Variants in ME1 observed in about 807,000 individuals in gnomAD.
ME1 encodes NADP-dependent malic enzyme.
In ME1, 74 loss-of-function variants were observed where a neutral mutation model predicts 66.4. That is an observed-to-expected ratio of 1.11 (90% CI 0.92 to 1.35). The LOEUF (loss-of-function observed/expected upper bound fraction) is 1.35. ME1 is among the 40% of genes most tolerant of loss of function. ME1 has a pLI of 0.00. For missense variants in ME1, 750 were observed against 694.1 expected, an observed-to-expected ratio of 1.08 and a Z score of -0.90; for synonymous variants, 251 against 235.6, an observed-to-expected ratio of 1.07 and a Z score of -0.60.
intron 3 of ME1, among the ~76,000 whole-genome samples, chr6:83,376,805 A>AC (rs922388500): frequency 2.2e-5 from 2 of 92,456 alleles, no homozygotes; most frequent in African/African-American, 1.6e-4. Context: ...CCTGTCTCAC[A>AC]AAAAAAAAAA....
chr6:83,251,869 A>C (rs1380675950), intron 7 of ME1, among the ~76,000 whole-genome samples: 1 of 152,180 alleles, frequency 6.6e-6, no homozygotes, highest in South Asian at 2.1e-4. Flanking sequence ...AAGAACTAAT[A>C]AGATCAGATT....
At chr6:83,225,540 T>A (rs1790179618) in intron 11 of ME1, among the ~76,000 whole-genome samples, 1 of 152,086 alleles carries the variant, frequency 6.6e-6, no homozygotes, top group South Asian at 2.1e-4. Flanking sequence ...CTTTTAGTTG[T>A]TCTTAAAGTT....
chr6:83,416,090 C>A (rs1402967508), intron 1 of ME1, among the ~76,000 whole-genome samples: 2 of 152,000 alleles, frequency 1.3e-5, no homozygotes, highest in African/African-American at 4.8e-5. Context: ...TGATTTTGAG[C>A]AAATATTTAA....
intron 9 of ME1, among the ~76,000 whole-genome samples, chr6:83,235,267 T>C (rs530516417): frequency 4.6e-5 from 7 of 152,234 alleles, no homozygotes; most frequent in Admixed American, 1.3e-4. Flanking sequence ...TGGTTCTAGT[T>C]CTGTAACTAG....
chr6:83,428,143 T>C (rs991278173), intron 1 of ME1, among the ~76,000 whole-genome samples: 2 of 152,280 alleles, frequency 1.3e-5, no homozygotes, highest in African/African-American at 2.4e-5. Flanking sequence ...AGAAAGATCA[T>C]TATTAAATCA....
chr6:83,234,950 G>T (rs982146838), intron 9 of ME1, among the ~76,000 whole-genome samples: 2 of 152,052 alleles, frequency 1.3e-5, no homozygotes, highest in Non-Finnish European at 2.9e-5. Context: ...TTGTTGTCAG[G>T]CATGTACTAC....
intron 3 of ME1, among the ~76,000 whole-genome samples, chr6:83,359,312 G>A (rs746872535): frequency 2.0e-5 from 3 of 152,198 alleles, no homozygotes; most frequent in Non-Finnish European, 4.4e-5. Context: ...CAGGCCCCTA[G>A]AAGTGAGGTT....
chr6:83,285,866 A>T (rs1240806503), intron 6 of ME1, among the ~76,000 whole-genome samples: 2 of 152,220 alleles, frequency 1.3e-5, no homozygotes, highest in African/African-American at 2.4e-5. Flanking sequence ...AAAGAGGCGA[A>T]TGCATAATTT....
intron 3 of ME1, among the ~76,000 whole-genome samples, chr6:83,369,653 G>GAGGAAGGAAGGAAGGA (rs1340518163): frequency 4.9e-5 from 7 of 141,502 alleles, no homozygotes; most frequent in African/African-American, 2.0e-4. Context: ...GAGACAGAGA[G>GAGGAAGGAAGGAAGGA]AGGAAGGAAG....
intron 6 of ME1, among the ~76,000 whole-genome samples, chr6:83,276,021 C>G (rs968188552): frequency 2.0e-5 from 3 of 151,976 alleles, no homozygotes; most frequent in Admixed American, 2.0e-4. Flanking sequence ...CTGCCCGTCT[C>G]GGTCTCCGGA....
intron 3 of ME1, among the ~76,000 whole-genome samples, chr6:83,386,853 G>A (rs1286052806): frequency 6.7e-6 from 1 of 150,370 alleles, no homozygotes; most frequent in Non-Finnish European, 1.5e-5. Flanking sequence ...GGAAATAACA[G>A]GAAGCTGGCA....
At chr6:83,361,892 T>A (rs1769012230) in intron 3 of ME1, among the ~76,000 whole-genome samples, 1 of 152,132 alleles carries the variant, frequency 6.6e-6, no homozygotes, top group African/African-American at 2.4e-5. Context: ...GTAAGTTACA[T>A]GAGGAAGTGG....
chr6:83,403,868 T>C (rs1299375307), intron 2 of ME1, among the ~76,000 whole-genome samples: 2 of 152,334 alleles, frequency 1.3e-5, no homozygotes, highest in African/African-American at 2.4e-5. Flanking sequence ...CTATGGTGTA[T>C]ATGTGCCACA....
chr6:83,428,205 G>T (rs924376663), intron 1 of ME1, among the ~76,000 whole-genome samples: 1 of 152,094 alleles, frequency 6.6e-6, no homozygotes, highest in African/African-American at 2.4e-5. Flanking sequence ...AGAATTAAGA[G>T]ATTCAGCAAA....
intron 9 of ME1, 100 bp from the exon 10 acceptor site, chr6:83,229,031 A>G (rs1172371273): frequency 1.5e-5 from 11 of 739,974 alleles, no homozygotes; most frequent in Non-Finnish European, 2.6e-5. Context: ...TAACATTTTT[A>G]TGTATGATGT....
At chr6:83,242,298 G>A (rs1412236863) in intron 7 of ME1, among the ~76,000 whole-genome samples, 1 of 152,074 alleles carries the variant, frequency 6.6e-6, no homozygotes, top group Non-Finnish European at 1.5e-5. Context: ...TTAAATAAAA[G>A]TCTCACCTTT....
At chr6:83,292,800 G>A (rs996428114) in intron 6 of ME1, among the ~76,000 whole-genome samples, 4 of 152,274 alleles carry the variant, frequency 2.6e-5, no homozygotes, top group South Asian at 2.1e-4. Context: ...CTTCCCTGCC[G>A]CTTTGCTTAC....
At chr6:83,297,010 C>T (rs1265386702) in intron 6 of ME1, among the ~76,000 whole-genome samples, 3 of 152,092 alleles carry the variant, frequency 2.0e-5, no homozygotes, top group Non-Finnish European at 4.4e-5. Flanking sequence ...ATCATCACAA[C>T]GTATTTAACT....
At chr6:83,333,960 G>C (rs1459260999) in intron 5 of ME1, among the ~76,000 whole-genome samples, 1 of 151,840 alleles carries the variant, frequency 6.6e-6, no homozygotes, top group Admixed American at 6.6e-5. Context: ...AGGGGGGGAG[G>C]AGCCAAGATG....
Sources: allele counts gnomAD v4.1 joint callset (sites outside exome capture counted in the v4.1 genomes callset), GRCh38; gene constraint gnomAD v4.1.1; transcripts MANE v1.5; gene names NCBI Gene and HGNC (gene_info 2026-07-23, HGNC 2026-07-21).